Variants in ATP6V1D observed in about 807,000 individuals in gnomAD.
ATP6V1D encodes V-type proton ATPase subunit D.
In ATP6V1D, 20 loss-of-function variants were observed where a neutral mutation model predicts 39.4. The observed-to-expected ratio is 0.51, with a 90% CI of 0.36 to 0.74. ATP6V1D has a LOEUF of 0.74. Ranked by LOEUF, ATP6V1D falls within the 30% of genes least tolerant of loss-of-function variation. The pLI, the probability that ATP6V1D is intolerant of heterozygous loss-of-function variation, is 0.00. For missense variants in ATP6V1D, 228 were observed against 291.6 expected (o/e 0.78, Z 1.59); for synonymous variants, 100 against 100.5 (o/e 0.99, Z 0.03).
In ATP6V1D at chr14:67,337,875, C is replaced by T. The variant is rs1015890671; in HGVS notation, c.*746G>A. 5.9e-5 allele frequency: 9 copies of T among 152,300 alleles called. No individual in the cohort carries two copies. The highest frequency in any genetic ancestry group is 2.2e-4 in the African/African-American group (9 of 41,546). 9.4% of individuals were successfully genotyped at this position (152,300 alleles called of 1,614,324 possible). ...AGGAAGTATTATAATGCCCTCATAA[C>T]TCATCGGCAATCATTTATTAGTACC... On this transcript the variant is annotated 3_prime_UTR_variant, in exon 9 of 9. Transcript: ENST00000216442.
chr14:67,354,333 G>C (rs1780172065), intron 1 of ATP6V1D, among the ~76,000 whole-genome samples: 1 of 152,138 alleles, frequency 6.6e-6, no homozygotes, highest in South Asian at 2.1e-4. Flanking sequence ...TGATTTGTAA[G>C]TTAAAATAAT....
chr14:67,357,710 T>G lies in ATP6V1D; in HGVS notation c.41+1948A>C, dbSNP rs148379198. 9.7e-3 allele frequency among the ~76,000 whole-genome samples: 1,477 copies of G among 152,342 alleles called. 73 individuals carry two copies. The highest frequency in any genetic ancestry group is 0.089 in the Admixed American group (1,355 of 15,294). On this transcript the variant is annotated intron_variant, in intron 1 of 8. Transcript: ENST00000216442. The stretch of plus-strand genomic sequence containing the variant: ...AAGGGCTGAGCTCAATTCTCATTTG[T>G]GCAGAGGTGACTGGCCATTTTAAAA...
chr14:67,340,885 A>G (rs189843895), intron 7 of ATP6V1D, among the ~76,000 whole-genome samples: 23,511 of 152,050 alleles, frequency 0.15, 3,442 homozygotes, highest in East Asian at 0.42. Context: ...TGTGTTGGCC[A>G]GGCTGGTCTC....
chr14:67,355,321 C>A, intron 1 of ATP6V1D, among the ~76,000 whole-genome samples: 1 of 150,968 alleles, frequency 6.6e-6, no homozygotes, highest in African/African-American at 2.4e-5. Flanking sequence ...TTTTTTTCCC[C>A]ATCAGAAGCC....
intron 5 of ATP6V1D, 98 bp downstream of exon 5, chr14:67,347,311 C>T (rs562127513): frequency 6.5e-5 from 61 of 941,200 alleles, no homozygotes; most frequent in South Asian, 9.2e-5. Context: ...ACTCAGGAAC[C>T]TCTCAACATC....
rs118163018 is a variant in ATP6V1D, at chr14:67,352,710, C to T, written c.159+213G>A. On this transcript the variant is annotated intron_variant, in intron 2 of 8. Transcript: ENST00000216442. ...AAGGTAAGAGAGGCAGGCGGGGGGCCAATCAGATCAAGTGGAGCTTTGCAG... is the reference window on the plus strand; with the variant it reads ...AAGGTAAGAGAGGCAGGCGGGGGGCTAATCAGATCAAGTGGAGCTTTGCAG... 176 of 449,170 alleles carry T rather than the reference C, an allele frequency of 3.9e-4. No homozygotes were observed. The East Asian group carries it at 6.5e-3, about 17-fold the overall frequency. The allele number at this position is 449,170 out of a possible 1,614,324, so 27.8% of individuals were successfully genotyped here. A position where few individuals can be genotyped will look rare whatever the true frequency, so the allele number is the denominator to read the frequency against.
intron 8 of ATP6V1D, among the ~76,000 whole-genome samples, chr14:67,339,092 G>A (rs1198274987): frequency 6.7e-6 from 1 of 149,472 alleles, no homozygotes; most frequent in African/African-American, 2.5e-5. Flanking sequence ...CCACCTTTGC[G>A]TTCAAGCAAT....
At chr14:67,341,671 C>G (rs567364066) in intron 7 of ATP6V1D, among the ~76,000 whole-genome samples, 3,646 of 152,316 alleles carry the variant, frequency 0.024, 68 homozygotes, top group Non-Finnish European at 0.036. Flanking sequence ...GCCACCACCC[C>G]GTCTGGGAGG....
At chr14:67,358,729 C>A (rs918748485) in intron 1 of ATP6V1D, among the ~76,000 whole-genome samples, 1 of 152,092 alleles carries the variant, frequency 6.6e-6, no homozygotes, top group Non-Finnish European at 1.5e-5. Flanking sequence ...TAAAAATAAA[C>A]AGGATGAGGA....
chr14:67,343,785 G>A (rs1261922255), intron 6 of ATP6V1D, among the ~76,000 whole-genome samples: 1 of 152,176 alleles, frequency 6.6e-6, no homozygotes, highest in Non-Finnish European at 1.5e-5. Flanking sequence ...TGGGAGGATC[G>A]TTTGAGGCTG....
chr14:67,343,757 C>G (rs1032120020), intron 6 of ATP6V1D, among the ~76,000 whole-genome samples: 1 of 152,198 alleles, frequency 6.6e-6, no homozygotes, highest in Non-Finnish European at 1.5e-5. Context: ...GTAGTCCCAG[C>G]TGCTTGGTAA....
intron 6 of ATP6V1D, among the ~76,000 whole-genome samples, chr14:67,344,904 C>CA (rs928389704): frequency 4.0e-5 from 6 of 150,004 alleles, no homozygotes; most frequent in African/African-American, 1.2e-4. Flanking sequence ...AACAAACAAA[C>CA]AAAAAAAACA....
At chr14:67,341,813 G>C (rs997663824) in intron 7 of ATP6V1D, among the ~76,000 whole-genome samples, 4 of 152,198 alleles carry the variant, frequency 2.6e-5, no homozygotes, top group African/African-American at 9.7e-5. Flanking sequence ...AGTAGACATG[G>C]GAGACTTTTC....
intron 3 of ATP6V1D, 131 bp downstream of exon 3, chr14:67,350,480 A>C: frequency 4.3e-6 from 3 of 695,734 alleles, no homozygotes; most frequent in Non-Finnish European, 6.9e-6. Context: ...GGGTTAAAAG[A>C]ATTCTTTCTT....
chr14:67,347,785 C>T (rs1447240239), intron 4 of ATP6V1D, among the ~76,000 whole-genome samples: 3 of 152,128 alleles, frequency 2.0e-5, no homozygotes, highest in Non-Finnish European at 4.4e-5. Context: ...CAGGTATGAG[C>T]CACCGCGCCT....
chr14:67,357,885 T>C (rs1225295557), intron 1 of ATP6V1D, among the ~76,000 whole-genome samples: 2 of 152,168 alleles, frequency 1.3e-5, no homozygotes. Flanking sequence ...AAAGCCCCTA[T>C]CCCTCCTGAT....
At chr14:67,343,283 C>A (rs532708171) in intron 7 of ATP6V1D, 89 bp downstream of exon 7, 3 of 993,586 alleles carry the variant, frequency 3.0e-6, no homozygotes, top group Non-Finnish European at 4.6e-6. Context: ...ATCTTTCAGT[C>A]TTCAGTACAG....
intron 7 of ATP6V1D, among the ~76,000 whole-genome samples, chr14:67,341,106 A>C (rs910565153): frequency 6.6e-6 from 1 of 152,094 alleles, no homozygotes; most frequent in African/African-American, 2.4e-5. Flanking sequence ...CCGGTCTGGG[A>C]AGTGAGGAGC....
intron 1 of ATP6V1D, among the ~76,000 whole-genome samples, chr14:67,359,140 AG>A (rs1322603100): frequency 6.6e-6 from 1 of 152,192 alleles, no homozygotes; most frequent in Non-Finnish European, 1.5e-5. Context: ...AAAATGAGTA[AG>A]GGGATCCAAG....
Sources: gnomAD v4.1 joint callset for allele counts (sites outside exome capture counted in the v4.1 genomes callset) on GRCh38, gnomAD v4.1.1 for gene constraint, MANE v1.5 for transcripts, NCBI Gene and HGNC (gene_info 2026-07-23, HGNC 2026-07-21) for gene names.